The following FAM184B variants were observed in gnomAD, a reference collection of about 807,000 sequenced individuals.
The protein encoded by FAM184B is protein FAM184B.
FAM184B carries 111 observed loss-of-function variants against 135.9 expected under a neutral mutation model. That is an observed-to-expected ratio of 0.82 (90% CI 0.70 to 0.96). The LOEUF (loss-of-function observed/expected upper bound fraction) is 0.96, where lower values mean the gene tolerates loss of function less well. FAM184B is among the 40% of genes least tolerant of loss of function. FAM184B has a pLI of 0.00. For missense variants in FAM184B, 1,375 were observed against 1,323.9 expected, an observed-to-expected ratio of 1.04 and a Z score of -0.60; for synonymous variants, 552 against 524.8, an observed-to-expected ratio of 1.05 and a Z score of -0.71.
Position 17,630,933 on chromosome 4 carries a change from G to T in FAM184B, c.*1599C>A, listed in dbSNP as rs1249577888. ...TTCAAAGTTTTATTCAAAGAGCAAAGATTTGACAATGCATAGAATTAACAT... is the reference window on the plus strand; with the variant it reads ...TTCAAAGTTTTATTCAAAGAGCAAATATTTGACAATGCATAGAATTAACAT... On this transcript the variant is annotated 3_prime_UTR_variant, in exon 18 of 18. Transcript: ENST00000265018. The T allele has an allele frequency of 6.6e-6, 1 of 152,174 alleles. No homozygotes were observed. Among genetic ancestry groups the T allele is most frequent in the Non-Finnish European group, 1.5e-5 (1 of 68,024 alleles). The allele number at this position is 152,174 out of a possible 1,614,324, so 9.4% of individuals were successfully genotyped here. A position where few individuals can be genotyped will look rare whatever the true frequency, so the allele number is the denominator to read the frequency against.
At chr4:17,722,465 C>T (rs1041051444) in intron 1 of FAM184B, among the ~76,000 whole-genome samples, 5 of 152,216 alleles carry the variant, frequency 3.3e-5, no homozygotes, top group Non-Finnish European at 2.9e-5. Flanking sequence ...AGATCCAAAA[C>T]GCTAATTAAA....
At chr4:17,737,839 A>C (rs908559678) in intron 1 of FAM184B, among the ~76,000 whole-genome samples, 12 of 152,128 alleles carry the variant, frequency 7.9e-5, no homozygotes, top group Admixed American at 6.5e-4. Context: ...TCAACCAACC[A>C]ACTTCCATTT....
At chr4:17,705,919 G>A (rs1717105662) in intron 3 of FAM184B, 28 bp from the exon 4 acceptor site, 1 of 1,551,530 alleles carries the variant, frequency 6.4e-7, no homozygotes. Flanking sequence ...AGCATTATTT[G>A]GAATGCTCTT....
At chr4:17,776,474 C>T (rs1176196819) in intron 1 of FAM184B, among the ~76,000 whole-genome samples, 9 of 152,146 alleles carry the variant, frequency 5.9e-5, no homozygotes, top group East Asian at 3.9e-4. Flanking sequence ...CTGCAACCTC[C>T]GCCTCTCGGG....
At chr4:17,646,848 C>A (rs1418718771) in intron 12 of FAM184B, among the ~76,000 whole-genome samples, 1 of 151,948 alleles carries the variant, frequency 6.6e-6, no homozygotes, top group Non-Finnish European at 1.5e-5. Context: ...CCCAGCTAGA[C>A]CAGGAATGAT....
chr4:17,721,399 A>AAAAAAAAAAAAAAAAAAAAAAAC (rs1398013703), intron 1 of FAM184B, among the ~76,000 whole-genome samples: 1 of 149,796 alleles, frequency 6.7e-6, no homozygotes, highest in Non-Finnish European at 1.5e-5. Flanking sequence ...AAAAAAAAAA[A>AAAAAAAAAAAAAAAAAAAAAAAC]AAAAAAATCT....
chr4:17,740,396 GGGTGTATGTTAAAT>G (rs1553841511), intron 1 of FAM184B, among the ~76,000 whole-genome samples: 1 of 147,500 alleles, frequency 6.8e-6, no homozygotes, highest in Non-Finnish European at 1.5e-5. Flanking sequence ...ATAAGCAAAT[GGGTGTATGTTAAAT>G]GGTTCACACC....
intron 12 of FAM184B, among the ~76,000 whole-genome samples, chr4:17,645,852 A>G (rs1242779343): frequency 1.3e-5 from 2 of 152,212 alleles, no homozygotes; most frequent in African/African-American, 4.8e-5. Flanking sequence ...AATATCCAGA[A>G]TCTACAAAGA....
At chr4:17,682,312 C>T (rs1716461075) in intron 7 of FAM184B, among the ~76,000 whole-genome samples, 1 of 152,116 alleles carries the variant, frequency 6.6e-6, no homozygotes, top group Non-Finnish European at 1.5e-5. Flanking sequence ...ATCAAGGAGA[C>T]TGGCAGGGAG....
chr4:17,697,479 CTTG>C (rs1370718430), intron 5 of FAM184B, among the ~76,000 whole-genome samples: 4 of 152,142 alleles, frequency 2.6e-5, no homozygotes, highest in Non-Finnish European at 4.4e-5. Context: ...TTTTGCAGGG[CTTG>C]TTGTTTCTGA....
At position 17,647,421 on chromosome 4, in the gene FAM184B, AT is replaced by A. The variant is rs529404328; in HGVS notation, c.2346+215del. Among the ~76,000 whole-genome samples the A allele has an allele frequency of 1.6e-4, 24 of 150,680 alleles. No homozygotes were observed. The South Asian group carries it at 3.6e-3, about 22-fold the overall frequency. ...TGCCACCACGCCCAGCTAATTTTCA[AT>A]TTTTTTTTGTAGAGATATAGTCTTG... is the stretch of plus-strand genomic sequence containing the variant. On this transcript the variant is annotated intron_variant, in intron 12 of 17. Coordinates refer to ENST00000265018, the MANE Select transcript of FAM184B (RefSeq NM_015688.2).
intron 10 of FAM184B, among the ~76,000 whole-genome samples, chr4:17,654,366 T>C (rs538318762): frequency 3.3e-5 from 5 of 152,202 alleles, no homozygotes; most frequent in Non-Finnish European, 5.9e-5. Flanking sequence ...TATATATATA[T>C]AGAGGGAGGG....
chr4:17,650,904 T>A (rs1052604657), intron 11 of FAM184B, among the ~76,000 whole-genome samples: 33 of 151,528 alleles, frequency 2.2e-4, no homozygotes, highest in Admixed American at 3.9e-4. Flanking sequence ...TTTTCCTAAT[T>A]TTTTTTTTTA....
At chr4:17,780,811 G>C (rs1321482958) in intron 1 of FAM184B, among the ~76,000 whole-genome samples, 3 of 152,138 alleles carry the variant, frequency 2.0e-5, no homozygotes, top group Non-Finnish European at 4.4e-5. Flanking sequence ...CAGCTGTAAA[G>C]TATGGCAGTT....
chr4:17,770,588 C>T (rs772648960), intron 1 of FAM184B, among the ~76,000 whole-genome samples: 4 of 152,066 alleles, frequency 2.6e-5, no homozygotes, highest in Non-Finnish European at 4.4e-5. Context: ...CTCAGTCTCC[C>T]GAGTAGCTGA....
intron 1 of FAM184B, among the ~76,000 whole-genome samples, chr4:17,736,673 A>G (rs1717914861): frequency 6.6e-6 from 1 of 152,174 alleles, no homozygotes; most frequent in African/African-American, 2.4e-5. Context: ...GATACAGGGT[A>G]AGTACCTTGT....
chr4:17,694,193 A>G (rs1360447350), intron 5 of FAM184B, among the ~76,000 whole-genome samples: 2 of 152,184 alleles, frequency 1.3e-5, no homozygotes, highest in Non-Finnish European at 1.5e-5. Context: ...CTCCAGGTAC[A>G]TAGTAAAGGA....
At chr4:17,775,393 G>A (rs954677957) in intron 1 of FAM184B, among the ~76,000 whole-genome samples, 6 of 152,066 alleles carry the variant, frequency 3.9e-5, no homozygotes, top group Non-Finnish European at 8.8e-5. Flanking sequence ...CACCATGTTA[G>A]CCAGGATGGT....
At chr4:17,744,245 G>C (rs1196501742) in intron 1 of FAM184B, among the ~76,000 whole-genome samples, 2 of 152,060 alleles carry the variant, frequency 1.3e-5, no homozygotes, top group Non-Finnish European at 2.9e-5. Context: ...GCAATACCAA[G>C]ATTAGTGCTT....
Sources: gnomAD v4.1 joint callset for allele counts (sites outside exome capture counted in the v4.1 genomes callset) on GRCh38, gnomAD v4.1.1 for gene constraint, MANE v1.5 for transcripts, NCBI Gene and HGNC (gene_info 2026-07-23, HGNC 2026-07-21) for gene names.